QRFPR: variants seen among roughly 807,000 people sequenced by gnomAD.
QRFPR encodes pyroglutamylated RFamide peptide receptor.
In QRFPR, 37 loss-of-function variants were observed where a neutral mutation model predicts 31.3. The ratio of observed to expected loss-of-function variants is 1.18; its 90% CI spans 0.91 to 1.56. QRFPR has a LOEUF of 1.56. Ranked by LOEUF, QRFPR falls within the 40% of genes most tolerant of loss-of-function variation. QRFPR has a pLI of 0.00. For synonymous variants in QRFPR, 197 were observed against 192.0 expected (o/e 1.03, Z -0.22); for missense variants, 542 against 532.5 (o/e 1.02, Z -0.18).
chr4:121,376,660 G>T (rs1300644386), intron 1 of QRFPR, among the ~76,000 whole-genome samples: 1 of 152,108 alleles, frequency 6.6e-6, no homozygotes, highest in African/African-American at 2.4e-5. Context: ...TCCCTGAAAG[G>T]GGACCTGAGT....
intron 5 of QRFPR, among the ~76,000 whole-genome samples, chr4:121,330,207 T>C (rs1725296711): frequency 6.6e-6 from 1 of 152,206 alleles, no homozygotes; most frequent in South Asian, 2.1e-4. Flanking sequence ...GAGAGGAATC[T>C]CAAAGCTTTG....
At chr4:121,332,422 G>A (rs1307191716) in intron 4 of QRFPR, among the ~76,000 whole-genome samples, 1 of 152,160 alleles carries the variant, frequency 6.6e-6, no homozygotes, top group Non-Finnish European at 1.5e-5. Flanking sequence ...ACTAAGGATG[G>A]ATGTTATTAT....
chr4:121,365,573 A>AATATATT (rs1726099969), intron 1 of QRFPR, among the ~76,000 whole-genome samples: 1 of 7,070 alleles, frequency 1.4e-4, no homozygotes, highest in African/African-American at 7.0e-4. Flanking sequence ...TATTATATAT[A>AATATATT]ATATATATTA....
chr4:121,365,648 T>TTA (rs1352718423), intron 1 of QRFPR, among the ~76,000 whole-genome samples: 3 of 22,506 alleles, frequency 1.3e-4, no homozygotes, highest in East Asian at 1.3e-3. Flanking sequence ...ATTTTATATA[T>TTA]TATATATTAT....
intron 1 of QRFPR, among the ~76,000 whole-genome samples, chr4:121,376,527 T>A (rs1319262289): frequency 4.0e-5 from 6 of 150,828 alleles, no homozygotes; most frequent in African/African-American, 1.5e-4. Flanking sequence ...AAAGCAACTG[T>A]TTGATTTCTG....
intron 1 of QRFPR, among the ~76,000 whole-genome samples, chr4:121,375,361 A>G (rs1726330546): frequency 6.6e-6 from 1 of 151,996 alleles, no homozygotes; most frequent in Admixed American, 6.6e-5. Flanking sequence ...ATTCTCCATT[A>G]CTTCTTTGAA....
chr4:121,342,164 G>T (rs571778719), intron 1 of QRFPR, among the ~76,000 whole-genome samples: 2 of 152,278 alleles, frequency 1.3e-5, no homozygotes, highest in Admixed American at 1.3e-4. Flanking sequence ...GGGTGAATTT[G>T]CTCTCTGCTG....
Position 121,329,364 on chromosome 4 carries a change from G to A in QRFPR, c.1246C>T (p.Leu416Phe), listed in dbSNP as rs201585578. 206 of 1,614,120 alleles carry A rather than the reference G, an allele frequency of 1.3e-4. 3 individuals are homozygous for A. In the South Asian group the frequency reaches 2.2e-3, roughly 17 times the overall value. ...EKKKLKRHLA[L>F]FRSELAENSP... is the part of the protein sequence containing the mutation. ...TTCTCAGCCAGTTCAGACCTAAAGAGAGCAAGATGTCGTTTGAGCTTTTTC... is the reference window on the plus strand; with the variant it reads ...TTCTCAGCCAGTTCAGACCTAAAGAAAGCAAGATGTCGTTTGAGCTTTTTC... The change falls in exon 6 of 6, where the codon CTC becomes TTC. Residue 416 changes from leucine (L) to phenylalanine (F), a missense_variant. Coordinates refer to ENST00000394427, the MANE Select transcript of QRFPR (RefSeq NM_198179.3).
chr4:121,349,431 T>C (rs1725722330), intron 1 of QRFPR, among the ~76,000 whole-genome samples: 1 of 152,212 alleles, frequency 6.6e-6, no homozygotes, highest in African/African-American at 2.4e-5. Flanking sequence ...TGCTCCACAT[T>C]ATGGAGATGT....
At chr4:121,334,207 C>A (rs1347603097) in intron 3 of QRFPR, among the ~76,000 whole-genome samples, 1 of 152,126 alleles carries the variant, frequency 6.6e-6, no homozygotes, top group Admixed American at 6.5e-5. Flanking sequence ...GTTCACATAG[C>A]CCTAGGGACT....
intron 1 of QRFPR, among the ~76,000 whole-genome samples, chr4:121,345,432 A>G (rs1373842866): frequency 6.6e-6 from 1 of 152,242 alleles, no homozygotes; most frequent in South Asian, 2.1e-4. Flanking sequence ...TGTTGCTTGC[A>G]ACGAAGTAGA....
intron 1 of QRFPR, chr4:121,369,624 G>C (rs1726194908): frequency 2.5e-6 from 4 of 1,609,470 alleles, no homozygotes; most frequent in Non-Finnish European, 3.4e-6. Context: ...CGGTAGGCCT[G>C]GGTGGCAAAA....
chr4:121,372,202 C>T (rs927348024), intron 1 of QRFPR, among the ~76,000 whole-genome samples: 1 of 152,124 alleles, frequency 6.6e-6, no homozygotes, highest in Non-Finnish European at 1.5e-5. Flanking sequence ...AGTGGCTCCT[C>T]AATAGGCTTT....
chr4:121,365,738 T>C (rs1208905360), intron 1 of QRFPR, among the ~76,000 whole-genome samples: 2 of 121,442 alleles, frequency 1.6e-5, no homozygotes, highest in Non-Finnish European at 3.3e-5. Context: ...CAGGTTCATA[T>C]TGACACTTAG....
chr4:121,376,692 T>A (rs1282950540), intron 1 of QRFPR, among the ~76,000 whole-genome samples: 4 of 152,222 alleles, frequency 2.6e-5, no homozygotes, highest in Admixed American at 1.3e-4. Flanking sequence ...CACTGGGCTC[T>A]GTAAGGCAGT....
At chr4:121,335,277 A>G (rs1018000743) in intron 3 of QRFPR, among the ~76,000 whole-genome samples, 3 of 152,096 alleles carry the variant, frequency 2.0e-5, no homozygotes, top group South Asian at 2.1e-4. Flanking sequence ...TTTGTTTTCT[A>G]TGGGCTAGAA....
intron 4 of QRFPR, among the ~76,000 whole-genome samples, chr4:121,331,372 CG>C (rs748529716): frequency 2.5e-4 from 37 of 150,588 alleles, no homozygotes; most frequent in Non-Finnish European, 4.4e-4. Context: ...TTTGTAGAGA[CG>C]GGGTCTCACT....
rs1726479178 is a variant in QRFPR, at chr4:121,380,783, G to A, written c.-136C>T. ...ACTCTGGAGTCAGCCGCGCGGGAGG[G>A]CTCTAGGCTGCACCCCGGGAGGTTC... On this transcript the variant is annotated 5_prime_UTR_variant, in exon 1 of 6. Transcript: ENST00000394427. The A allele has an allele frequency of 2.7e-6, 2 of 739,844 alleles. No homozygotes were observed. The highest frequency in any genetic ancestry group is 4.0e-4 in the Middle Eastern group (1 of 2,490). The allele number at this position is 739,844 out of a possible 1,614,324, so 45.8% of individuals were successfully genotyped here. A position where few individuals can be genotyped will look rare whatever the true frequency, so the allele number is the denominator to read the frequency against.
rs902321675 is a variant in QRFPR at position 121,362,291 on chromosome 4, C to A, written c.340+18017G>T. Among the ~76,000 whole-genome samples, 9 of 149,782 alleles carry A rather than the reference C, an allele frequency of 6.0e-5. 1 individual carries two copies. Among genetic ancestry groups the A allele is most frequent in the Admixed American group, 2.7e-4 (4 of 15,086 alleles). On this transcript the variant is annotated intron_variant, in intron 1 of 5. Transcript: ENST00000394427. ...ATAATAGAACAATATGGCTGGTTTT[C>A]TTTTAGTTCTCTTTCTTTTTTAAAA...
Sources: allele counts gnomAD v4.1 joint callset (sites outside exome capture counted in the v4.1 genomes callset), GRCh38; gene constraint gnomAD v4.1.1; transcripts MANE v1.5; gene names NCBI Gene and HGNC (gene_info 2026-07-23, HGNC 2026-07-21).